The following PPP1R9A variants were observed in gnomAD, a reference collection of about 807,000 sequenced individuals.
PPP1R9A encodes protein phosphatase 1 regulatory subunit 9A.
PPP1R9A carries 59 observed loss-of-function variants against 141.9 expected under a neutral mutation model. That is an observed-to-expected ratio of 0.42 (90% CI 0.34 to 0.52). The LOEUF is 0.52. Ranked by LOEUF, PPP1R9A falls within the 20% of genes least tolerant of loss-of-function variation. The pLI is 0.10. For synonymous variants in PPP1R9A, 500 were observed against 569.7 expected, an observed-to-expected ratio of 0.88 and a Z score of 1.74; for missense variants, 1,444 against 1,611.9, an observed-to-expected ratio of 0.90 and a Z score of 1.78.
In PPP1R9A at chr7:95,203,651, G is replaced by A. The variant is rs926062358; in HGVS notation, c.1891-14G>A. ...GGTTAAGCCTTCTTTAATATTTTTTGTCAACCATTTTAGAACACTGTGGCT... is the reference window on the plus strand; with the variant it reads ...GGTTAAGCCTTCTTTAATATTTTTTATCAACCATTTTAGAACACTGTGGCT... On this transcript the variant is annotated splice_polypyrimidine_tract_variant and intron_variant, in intron 6 of 19. Coordinates refer to ENST00000433360, the MANE Select transcript of PPP1R9A (RefSeq NM_001166160.2). 42 of 1,532,164 alleles carry A rather than the reference G, an allele frequency of 2.7e-5. No homozygotes were observed. The highest frequency in any genetic ancestry group is 3.3e-5 in the Non-Finnish European group (38 of 1,143,770). 94.9% of individuals were successfully genotyped at this position (1,532,164 alleles called of 1,614,324 possible).
chr7:95,153,423 A>G (rs890884296), intron 4 of PPP1R9A, among the ~76,000 whole-genome samples: 2 of 152,192 alleles, frequency 1.3e-5, no homozygotes, highest in Admixed American at 6.6e-5. Context: ...TATCATTTTA[A>G]GCTTTAGGTA....
At chr7:94,997,545 T>G (rs1461697647) in intron 2 of PPP1R9A, among the ~76,000 whole-genome samples, 2 of 152,092 alleles carry the variant, frequency 1.3e-5, no homozygotes, top group Non-Finnish European at 2.9e-5. Context: ...CTCTGCTCAG[T>G]GTTTAGGGTG....
chr7:95,081,558 C>G (rs1213790306), intron 2 of PPP1R9A, among the ~76,000 whole-genome samples: 2 of 152,076 alleles, frequency 1.3e-5, no homozygotes, highest in African/African-American at 4.8e-5. Flanking sequence ...ATTTAAGATA[C>G]AGCTATAGAA....
At chr7:95,256,561 G>T (rs1024919243) in intron 12 of PPP1R9A, among the ~76,000 whole-genome samples, 5 of 152,058 alleles carry the variant, frequency 3.3e-5, no homozygotes, top group African/African-American at 1.2e-4. Flanking sequence ...TTAAAATTAA[G>T]AATGCTTTTA....
intron 16 of PPP1R9A, among the ~76,000 whole-genome samples, chr7:95,278,662 A>G (rs1803626772): frequency 6.6e-6 from 1 of 152,210 alleles, no homozygotes. Flanking sequence ...ATATGCTACA[A>G]CAATATAATT....
At chr7:95,148,563 G>C (rs1331476411) in intron 4 of PPP1R9A, among the ~76,000 whole-genome samples, 1 of 151,936 alleles carries the variant, frequency 6.6e-6, no homozygotes, top group African/African-American at 2.4e-5. Context: ...TTAACAACCA[G>C]CTGGGCACAG....
intron 5 of PPP1R9A, among the ~76,000 whole-genome samples, chr7:95,188,544 CTTTG>C (rs146611213): frequency 0.12 from 18,375 of 149,594 alleles, 1,225 homozygotes; most frequent in East Asian, 0.16. Context: ...TGCCTGAATA[CTTTG>C]TTTGTTTGTT....
At chr7:95,261,336 G>GT (rs944589486) in intron 12 of PPP1R9A, among the ~76,000 whole-genome samples, 2 of 152,176 alleles carry the variant, frequency 1.3e-5, no homozygotes, top group Non-Finnish European at 2.9e-5. Flanking sequence ...AGCAATTAGA[G>GT]TATCAGGTCC....
At chr7:95,210,914 G>A (rs1002778441) in intron 7 of PPP1R9A, among the ~76,000 whole-genome samples, 5 of 151,960 alleles carry the variant, frequency 3.3e-5, no homozygotes, top group South Asian at 2.1e-4. Flanking sequence ...ACCAAACACC[G>A]CATGTTCTCA....
intron 16 of PPP1R9A, among the ~76,000 whole-genome samples, chr7:95,280,347 A>G (rs1259606821): frequency 6.6e-6 from 1 of 152,154 alleles, no homozygotes; most frequent in Non-Finnish European, 1.5e-5. Context: ...ACTCTTAATG[A>G]TATTTTGATG....
chr7:95,018,861 G>C (rs1310503932), intron 2 of PPP1R9A, among the ~76,000 whole-genome samples: 1 of 152,102 alleles, frequency 6.6e-6, no homozygotes, highest in African/African-American at 2.4e-5. Flanking sequence ...TCTTCTGCTG[G>C]CATGAGGGAA....
Position 95,121,441 on chromosome 7 carries a change from TTGTCTGTC to T in PPP1R9A, c.1649+623_1649+630del, listed in dbSNP as rs71125102. Among the ~76,000 whole-genome samples, 217 of 147,272 alleles carry T rather than the reference TTGTCTGTC, an allele frequency of 1.5e-3. 1 individual carries two copies. The highest frequency in any genetic ancestry group is 5.1e-3 in the South Asian group (23 of 4,506). ...CTTAGCTTTCATAATCTCAAGCTAT[TTGTCTGTC>T]TGTCTGTCTGTCTATCTATCTATCT... On this transcript the variant is annotated intron_variant, in intron 4 of 19. Transcript: ENST00000433360.
intron 14 of PPP1R9A, among the ~76,000 whole-genome samples, chr7:95,272,328 A>C (rs1802338565): frequency 6.6e-6 from 1 of 152,202 alleles, no homozygotes; most frequent in African/African-American, 2.4e-5. Context: ...CTATTAAGAA[A>C]ATTTAAATCT....
intron 2 of PPP1R9A, among the ~76,000 whole-genome samples, chr7:95,019,136 T>A (rs1805525178): frequency 6.6e-6 from 1 of 152,246 alleles, no homozygotes; most frequent in African/African-American, 2.4e-5. Flanking sequence ...GGCTCACGCC[T>A]GTAATCCTAG....
At chr7:94,918,572 C>T (rs149482612) in intron 2 of PPP1R9A, among the ~76,000 whole-genome samples, 89 of 152,144 alleles carry the variant, frequency 5.8e-4, no homozygotes, top group African/African-American at 1.7e-3. Context: ...GTTGTGCAGC[C>T]ATCACTTTTA....
chr7:95,042,085 G>T (rs1455210448), intron 2 of PPP1R9A, among the ~76,000 whole-genome samples: 11 of 152,154 alleles, frequency 7.2e-5, no homozygotes, highest in Non-Finnish European at 1.6e-4. Context: ...TTGGGAAGGT[G>T]ATGTCAGGGA....
intron 2 of PPP1R9A, among the ~76,000 whole-genome samples, chr7:95,074,478 TTG>T (rs757738048): frequency 0.057 from 3,489 of 61,602 alleles, 105 homozygotes; most frequent in African/African-American, 0.17. Context: ...TTTTTTTTTT[TTG>T]TTGTTTTTTT....
At chr7:95,273,334 T>TC (rs1229109811) in intron 14 of PPP1R9A, among the ~76,000 whole-genome samples, 1 of 151,932 alleles carries the variant, frequency 6.6e-6, no homozygotes, top group Non-Finnish European at 1.5e-5. Flanking sequence ...CTCCCCCATG[T>TC]CCTCCCCTCC....
At chr7:94,982,668 G>A (rs2151338701) in intron 2 of PPP1R9A, among the ~76,000 whole-genome samples, 1 of 152,162 alleles carries the variant, frequency 6.6e-6, no homozygotes, top group Non-Finnish European at 1.5e-5. Flanking sequence ...TTTTTGATGG[G>A]GTTGTTTGAT....
Sources: gnomAD v4.1 joint callset for allele counts (sites outside exome capture counted in the v4.1 genomes callset) on GRCh38, gnomAD v4.1.1 for gene constraint, MANE v1.5 for transcripts, NCBI Gene and HGNC (gene_info 2026-07-23, HGNC 2026-07-21) for gene names.